Variants in BCAT1 observed in about 807,000 individuals in gnomAD.
BCAT1 encodes branched-chain-amino-acid aminotransferase, cytosolic.
Under a neutral mutation model 52.4 loss-of-function variants are expected in BCAT1, and 48 were observed. The ratio of observed to expected loss-of-function variants is 0.92; its 90% CI spans 0.73 to 1.16. BCAT1 has a LOEUF of 1.16. BCAT1 is among the 50% of genes most tolerant of loss of function. BCAT1 has a pLI of 0.00. For synonymous variants in BCAT1, 167 were observed against 161.3 expected (o/e 1.04, Z -0.27); for missense variants, 451 against 457.1 (o/e 0.99, Z 0.12).
intron 3 of BCAT1, among the ~76,000 whole-genome samples, chr12:24,892,240 G>A (rs1942866417): frequency 6.6e-6 from 1 of 151,984 alleles, no homozygotes; most frequent in African/African-American, 2.4e-5. Context: ...CATGGGTGGA[G>A]GGCTCATTTC....
rs190139992 is a variant in BCAT1 at position 24,912,451 on chromosome 12, C to A, written c.7-10566G>T. ...AGGAGAATGGCGTGAACCAGGGAGG[C>A]AGAGCTTGCAGTGAGCCAAGATTGC... On this transcript the variant is annotated intron_variant, in intron 1 of 10. Coordinates refer to ENST00000261192, the MANE Select transcript of BCAT1 (RefSeq NM_005504.7). Among the ~76,000 whole-genome samples, 829 of 152,196 alleles carry A rather than the reference C, an allele frequency of 5.4e-3. 3 individuals are homozygous for A. The highest frequency in any genetic ancestry group is 9.4e-3 in the Non-Finnish European group (639 of 68,004).
intron 1 of BCAT1, among the ~76,000 whole-genome samples, chr12:24,938,475 G>A (rs1323080703): frequency 3.3e-5 from 5 of 152,260 alleles, no homozygotes; most frequent in African/African-American, 1.2e-4. Context: ...GAGAGTGAAG[G>A]TGATGGGGAC....
At position 24,850,513 on chromosome 12, in the gene BCAT1, T is replaced by A. The variant is rs375937257; in HGVS notation, c.511-564A>T. On this transcript the variant is annotated intron_variant, in intron 5 of 10. Coordinates refer to ENST00000261192, the MANE Select transcript of BCAT1 (RefSeq NM_005504.7). Reference sequence around the variant, plus strand: ...CAACAGAGGGATAAGTACTGTTAAATCAAGTTTAGCCTACAGCTGCCTCAT... The same window carrying A: ...CAACAGAGGGATAAGTACTGTTAAAACAAGTTTAGCCTACAGCTGCCTCAT... 4.7e-4 allele frequency among the ~76,000 whole-genome samples: 72 copies of A among 152,280 alleles called. No individual in the cohort carries two copies. In the South Asian group the frequency reaches 6.8e-3, roughly 14 times the overall value.
intron 1 of BCAT1, among the ~76,000 whole-genome samples, chr12:24,940,694 A>G (rs889960754): frequency 6.6e-6 from 1 of 152,242 alleles, no homozygotes; most frequent in African/African-American, 2.4e-5. Context: ...ACCAAAAGAA[A>G]AAGGAAATCA....
At chr12:24,884,185 C>T (rs902486808) in intron 3 of BCAT1, among the ~76,000 whole-genome samples, 3 of 152,068 alleles carry the variant, frequency 2.0e-5, no homozygotes, top group African/African-American at 7.2e-5. Context: ...AAGAAAATTC[C>T]ATCATTTACA....
At chr12:24,888,625 G>A (rs770301083) in intron 3 of BCAT1, among the ~76,000 whole-genome samples, 1 of 152,192 alleles carries the variant, frequency 6.6e-6, no homozygotes, top group Non-Finnish European at 1.5e-5. Flanking sequence ...TATTAAACAG[G>A]TAAACAGGGA....
intron 5 of BCAT1, among the ~76,000 whole-genome samples, chr12:24,852,749 A>G (rs1004131888): frequency 2.6e-5 from 4 of 152,230 alleles, no homozygotes; most frequent in Admixed American, 6.5e-5. Context: ...TAACTTTTCA[A>G]TGCTGAGAGA....
chr12:24,887,066 A>ATAAAAT (rs1459886482), intron 3 of BCAT1, among the ~76,000 whole-genome samples: 2 of 78,714 alleles, frequency 2.5e-5, no homozygotes, highest in Non-Finnish European at 5.1e-5. Context: ...CTAGCTAAAA[A>ATAAAAT]AAAAAAAAAA....
intron 1 of BCAT1, chr12:24,902,922 C>G: frequency 6.6e-7 from 1 of 1,511,496 alleles, no homozygotes; most frequent in Non-Finnish European, 8.8e-7. Context: ...CTCCCCCCTT[C>G]CGCAAACGCC....
intron 1 of BCAT1, among the ~76,000 whole-genome samples, chr12:24,918,585 T>C (rs1943453810): frequency 6.6e-6 from 1 of 152,198 alleles, no homozygotes; most frequent in Non-Finnish European, 1.5e-5. Context: ...TGTTAATGTA[T>C]TATAGTATTA....
intron 3 of BCAT1, among the ~76,000 whole-genome samples, chr12:24,891,148 CACAT>C (rs1473195582): frequency 1.3e-5 from 2 of 152,138 alleles, no homozygotes; most frequent in Non-Finnish European, 2.9e-5. Flanking sequence ...AGTCAACTGA[CACAT>C]ACAGATTTTG....
chr12:24,836,488 T>A, intron 8 of BCAT1, 23 bp downstream of exon 8: 1 of 1,584,634 alleles, frequency 6.3e-7, no homozygotes, highest in Non-Finnish European at 8.6e-7. Flanking sequence ...CTTACAAAAG[T>A]TGTTCATATC....
At chr12:24,862,007 A>T (rs1331621022) in intron 5 of BCAT1, among the ~76,000 whole-genome samples, 1 of 152,114 alleles carries the variant, frequency 6.6e-6, no homozygotes, top group African/African-American at 2.4e-5. Flanking sequence ...TCCAGAACTT[A>T]CCCTATATGG....
chr12:24,910,203 G>GTATT (rs1565495493), intron 1 of BCAT1, among the ~76,000 whole-genome samples: 92 of 151,948 alleles, frequency 6.1e-4, no homozygotes, highest in African/African-American at 2.1e-3. Flanking sequence ...GTGAAACCCC[G>GTATT]TCTCTACTAA....
At chr12:24,833,599 A>T (rs1303464215) in intron 8 of BCAT1, among the ~76,000 whole-genome samples, 1 of 152,108 alleles carries the variant, frequency 6.6e-6, no homozygotes, top group Non-Finnish European at 1.5e-5. Context: ...TATAATATTA[A>T]TAATTATAGC....
chr12:24,833,030 G>A (rs1022776750), intron 8 of BCAT1, among the ~76,000 whole-genome samples, 167 bp from the exon 9 acceptor site: 1 of 152,166 alleles, frequency 6.6e-6, no homozygotes, highest in Non-Finnish European at 1.5e-5. Flanking sequence ...TGAACACATC[G>A]AGGTGTTAAG....
At chr12:24,829,922 A>G in intron 9 of BCAT1, 25 bp from the exon 10 acceptor site, 1 of 1,549,094 alleles carries the variant, frequency 6.5e-7, no homozygotes, top group Non-Finnish European at 8.8e-7. Flanking sequence ...GAAATGAGAT[A>G]ATTTGAGGGT....
intron 4 of BCAT1, 60 bp downstream of exon 4, chr12:24,881,241 G>T: frequency 8.3e-7 from 1 of 1,204,278 alleles, no homozygotes; most frequent in Non-Finnish European, 1.2e-6. Flanking sequence ...TTATTTGGTG[G>T]TCAACACCGT....
intron 1 of BCAT1, among the ~76,000 whole-genome samples, chr12:24,905,488 C>A (rs1943210618): frequency 6.6e-6 from 1 of 152,130 alleles, no homozygotes; most frequent in East Asian, 1.9e-4. Flanking sequence ...TGTAAAATAA[C>A]TCAAAAACAA....
Sources: gnomAD v4.1 joint callset for allele counts (sites outside exome capture counted in the v4.1 genomes callset) on GRCh38, gnomAD v4.1.1 for gene constraint, MANE v1.5 for transcripts, NCBI Gene and HGNC (gene_info 2026-07-23, HGNC 2026-07-21) for gene names.